CACNA1E: variants seen among roughly 807,000 people sequenced by gnomAD.
The protein encoded by CACNA1E is voltage-dependent R-type calcium channel subunit alpha-1E.
Under a neutral mutation model 259.2 loss-of-function variants are expected in CACNA1E, and 40 were observed. The observed-to-expected ratio is 0.15, with a 90% CI of 0.12 to 0.20. The LOEUF is 0.20. Among genes scored for constraint, CACNA1E ranks in the 10% least tolerant of loss-of-function variants. CACNA1E has a pLI of 1.00. For missense variants in CACNA1E, 1,874 were observed against 3,040.1 expected (o/e 0.62, Z 9.02); for synonymous variants, 1,104 against 1,138.5 (o/e 0.97, Z 0.61).
At chr1:181,352,700 T>A (rs973221124) in intron 1 of CACNA1E, among the ~76,000 whole-genome samples, 1 of 152,172 alleles carries the variant, frequency 6.6e-6, no homozygotes, top group African/African-American at 2.4e-5. Context: ...TTTGGAGACA[T>A]CAACTAAATT....
At chr1:181,370,430 C>G (rs1004795601) in intron 1 of CACNA1E, among the ~76,000 whole-genome samples, 9 of 152,114 alleles carry the variant, frequency 5.9e-5, no homozygotes, top group African/African-American at 1.4e-4. Flanking sequence ...ACCCTCCTCC[C>G]ACCCTCCTTC....
At chr1:181,635,800 G>A (rs1246546207) in intron 6 of CACNA1E, among the ~76,000 whole-genome samples, 1 of 152,194 alleles carries the variant, frequency 6.6e-6, no homozygotes, top group Non-Finnish European at 1.5e-5. Flanking sequence ...TAAAGTATTT[G>A]ATTAGCTCAT....
chr1:181,776,941 G>A lies in CACNA1E; in HGVS notation c.5267+713G>A, dbSNP rs745351915. ...TTATTGAAAGACAGCTCAACCATTC[G>A]TTTACGTATTGTCTCTGGCTGCTTA... On this transcript the variant is annotated intron_variant, in intron 38 of 47. Coordinates refer to ENST00000367573, the MANE Select transcript of CACNA1E (RefSeq NM_001205293.3). This position sits in a 1 kb window ranked among gnomAD's most constrained non-coding sequence, Gnocchi z 4.4. Among the ~76,000 whole-genome samples the A allele has an allele frequency of 5.3e-5, 8 of 152,196 alleles. 1 individual carries two copies. The highest frequency in any genetic ancestry group is 1.2e-4 in the Non-Finnish European group (8 of 68,040).
intron 1 of CACNA1E, among the ~76,000 whole-genome samples, chr1:181,498,160 A>G (rs1664936260): frequency 6.6e-6 from 1 of 152,214 alleles, no homozygotes; most frequent in Non-Finnish European, 1.5e-5. Flanking sequence ...TGGAGGTGGC[A>G]GCTTTCATGA....
rs375433991 is a variant in CACNA1E, at chr1:181,520,527, A to G, written c.512+9017A>G. 2.0e-3 allele frequency among the ~76,000 whole-genome samples: 298 copies of G among 152,354 alleles called. 1 individual carries two copies. Among genetic ancestry groups the G allele is most frequent in the Non-Finnish European group, 2.9e-3 (199 of 68,024 alleles). ...TAGACCTCATTAAGAATGGTCATTT[A>G]TCTCTATAAAACTTGCAACCACAGA... On this transcript the variant is annotated intron_variant, in intron 3 of 47. Transcript: ENST00000367573.
At chr1:181,640,003 T>C (rs1657605597) in intron 6 of CACNA1E, among the ~76,000 whole-genome samples, 1 of 152,188 alleles carries the variant, frequency 6.6e-6, no homozygotes, top group African/African-American at 2.4e-5. Flanking sequence ...TGTCGTCTGA[T>C]ACAGGCACCT....
At chr1:181,639,000 C>T (rs1473073732) in intron 6 of CACNA1E, among the ~76,000 whole-genome samples, 1 of 152,142 alleles carries the variant, frequency 6.6e-6, no homozygotes, top group Non-Finnish European at 1.5e-5. Context: ...GTTACATGTA[C>T]AATTGCAATA....
At chr1:181,544,628 T>A (rs1480276138) in intron 3 of CACNA1E, among the ~76,000 whole-genome samples, 1 of 152,194 alleles carries the variant, frequency 6.6e-6, no homozygotes, top group Non-Finnish European at 1.5e-5. Context: ...GCTGAAAATT[T>A]AGATGTAGCT....
chr1:181,536,538 T>C (rs1337743410), intron 3 of CACNA1E, among the ~76,000 whole-genome samples: 1 of 152,232 alleles, frequency 6.6e-6, no homozygotes, highest in Non-Finnish European at 1.5e-5. Context: ...TCATTCTCAT[T>C]GAGTATAAGT....
At chr1:181,711,679 G>A (rs1653378797) in intron 8 of CACNA1E, among the ~76,000 whole-genome samples, 1 of 152,182 alleles carries the variant, frequency 6.6e-6, no homozygotes. Flanking sequence ...GTGTAGACTT[G>A]AAGAAATGAA....
At chr1:181,697,109 G>A (rs1651784709) in intron 7 of CACNA1E, among the ~76,000 whole-genome samples, 1 of 152,194 alleles carries the variant, frequency 6.6e-6, no homozygotes, top group South Asian at 2.1e-4. Flanking sequence ...TCAGAGACAA[G>A]AGGCAGAAGA....
chr1:181,591,019 C>T (rs1276849445), intron 6 of CACNA1E, among the ~76,000 whole-genome samples: 1 of 152,204 alleles, frequency 6.6e-6, no homozygotes, highest in Non-Finnish European at 1.5e-5. Context: ...AAAGCTACTG[C>T]TTTCTATGCA....
At chr1:181,563,913 A>G (rs1285568726) in intron 3 of CACNA1E, among the ~76,000 whole-genome samples, 2 of 152,214 alleles carry the variant, frequency 1.3e-5, no homozygotes, top group Non-Finnish European at 2.9e-5. Context: ...AGTGTAACTT[A>G]TACATATAGT....
chr1:181,583,101 C>T (rs1651702445), intron 6 of CACNA1E, among the ~76,000 whole-genome samples: 1 of 87,342 alleles, frequency 1.1e-5, no homozygotes, highest in Admixed American at 1.3e-4. Context: ...TTGGACTGTT[C>T]CTACACACAC....
In CACNA1E at chr1:181,807,745, C is replaced by CA; in HGVS notation, c.*8916dup. 1 of 151,942 alleles carries CA rather than the reference C, an allele frequency of 6.6e-6. No homozygotes were observed. The highest frequency in any genetic ancestry group is 1.5e-5 in the Non-Finnish European group (1 of 67,960). The allele number at this position is 151,942 out of a possible 1,614,324, so 9.4% of individuals were successfully genotyped here. On this transcript the variant is annotated 3_prime_UTR_variant, in exon 48 of 48. Transcript: ENST00000367573. ...GATTTTTCTTATGATTAAAAACATC[C>CA]AAAAATGTGATATGTGGTCATCTCT...
chr1:181,608,208 T>G (rs1654411959), intron 6 of CACNA1E, among the ~76,000 whole-genome samples: 1 of 151,214 alleles, frequency 6.6e-6, no homozygotes. Flanking sequence ...GGAAAGTAGG[T>G]GAGGGAGGGG....
intron 3 of CACNA1E, among the ~76,000 whole-genome samples, chr1:181,556,303 C>G (rs1395056561): frequency 2.0e-5 from 3 of 152,076 alleles, no homozygotes; most frequent in Non-Finnish European, 4.4e-5. Flanking sequence ...TACTGCTGAC[C>G]CCAGGACAGC....
chr1:181,748,807 A>G (rs1410474205), intron 25 of CACNA1E, among the ~76,000 whole-genome samples: 2 of 152,144 alleles, frequency 1.3e-5, no homozygotes, highest in African/African-American at 4.8e-5. Flanking sequence ...AGACTAGGTA[A>G]GTTTCAAAAG....
intron 1 of CACNA1E, among the ~76,000 whole-genome samples, chr1:181,321,672 T>C (rs1650365582): frequency 6.6e-6 from 1 of 152,130 alleles, no homozygotes; most frequent in South Asian, 2.1e-4. Flanking sequence ...ATTCTAGGCA[T>C]TGTCATTCCC....
Sources: allele counts gnomAD v4.1 joint callset (sites outside exome capture counted in the v4.1 genomes callset), GRCh38; gene constraint gnomAD v4.1.1; non-coding constraint Gnocchi (gnomAD v3.1); transcripts MANE v1.5; gene names NCBI Gene and HGNC (gene_info 2026-07-23, HGNC 2026-07-21).